CHODL: variants seen among roughly 807,000 people sequenced by gnomAD.
CHODL encodes transmembrane protein MT75.
In CHODL, 29 loss-of-function variants were observed where a neutral mutation model predicts 34.5. The ratio of observed to expected loss-of-function variants is 0.84; its 90% confidence interval spans 0.63 to 1.15. The LOEUF (loss-of-function observed/expected upper bound fraction) is 1.15. Among genes scored for constraint, CHODL ranks in the 50% most tolerant of loss-of-function variants. CHODL has a pLI of 0.00. For synonymous variants in CHODL, 125 were observed against 116.1 expected (o/e 1.08, Z -0.49); for missense variants, 332 against 332.5 (o/e 1.00, Z 0.01).
Position 18,152,238 on chromosome 21 carries a change from C to T in CHODL, c.-44-104271C>T, listed in dbSNP as rs138833542. Reference sequence around the variant, plus strand: ...TGGTGGTTATGCATCTGAAGGGTGACTACTTTCTATAGTGTCATCTACAAA... The same window carrying T: ...TGGTGGTTATGCATCTGAAGGGTGATTACTTTCTATAGTGTCATCTACAAA... On this transcript the variant is annotated intron_variant, in intron 2 of 6. Coordinates refer to the CHODL transcript ENST00000400127. Among the ~76,000 whole-genome samples the T allele has an allele frequency of 5.1e-3, 774 of 152,248 alleles. 7 individuals carry two copies. Among genetic ancestry groups the T allele is most frequent in the African/African-American group, 0.018 (739 of 41,548 alleles).
At chr21:17,924,337 A>G (rs1465985370) in intron 1 of CHODL, among the ~76,000 whole-genome samples, 2 of 152,196 alleles carry the variant, frequency 1.3e-5, no homozygotes, top group African/African-American at 4.8e-5. Flanking sequence ...AGCCTGTGGG[A>G]GGAGAGGCAG....
At chr21:18,104,886 T>C (rs114365414) in intron 2 of CHODL, among the ~76,000 whole-genome samples, 61 of 152,348 alleles carry the variant, frequency 4.0e-4, no homozygotes, top group African/African-American at 1.3e-3. Context: ...TCATGTGAAG[T>C]AGTAAGTTTC....
intron 1 of CHODL, among the ~76,000 whole-genome samples, chr21:17,989,988 T>G (rs768411192): frequency 2.0e-5 from 3 of 152,052 alleles, no homozygotes; most frequent in Non-Finnish European, 4.4e-5. Flanking sequence ...CACAAGACCT[T>G]TGTCTCCTAC....
chr21:18,259,781 C>T (rs1053130004), intron 3 of CHODL, among the ~76,000 whole-genome samples: 6 of 152,218 alleles, frequency 3.9e-5, no homozygotes, highest in African/African-American at 1.2e-4. Context: ...AGGGGAAACC[C>T]AAATAATACA....
intron 2 of CHODL, among the ~76,000 whole-genome samples, chr21:18,129,872 TTCTC>T (rs956727126): frequency 6.8e-6 from 1 of 146,852 alleles, no homozygotes; most frequent in African/African-American, 2.6e-5. Context: ...ATCTTTAGTA[TTCTC>T]TCTCTCTGTC....
At chr21:18,008,473 CT>C (rs1269510338) in intron 1 of CHODL, among the ~76,000 whole-genome samples, 4 of 152,062 alleles carry the variant, frequency 2.6e-5, no homozygotes, top group Non-Finnish European at 5.9e-5. Flanking sequence ...AAGAACAACT[CT>C]CCATTTCCCC....
intron 2 of CHODL, among the ~76,000 whole-genome samples, chr21:18,109,810 G>A (rs908797703): frequency 2.0e-5 from 3 of 152,120 alleles, no homozygotes; most frequent in Non-Finnish European, 4.4e-5. Context: ...CTTTTCCTAA[G>A]TAACCCAAGA....
At chr21:18,188,627 G>T (rs77189894) in intron 2 of CHODL, among the ~76,000 whole-genome samples, 7,690 of 152,244 alleles carry the variant, frequency 0.051, 246 homozygotes, top group Middle Eastern at 0.11. Context: ...TTCAAATTGG[G>T]ATATGTTGAC....
At chr21:18,213,828 G>A (rs2073796817) in intron 2 of CHODL, among the ~76,000 whole-genome samples, 1 of 152,058 alleles carries the variant, frequency 6.6e-6, no homozygotes, top group Non-Finnish European at 1.5e-5. Context: ...TAGGAAATGA[G>A]TCAAGTCAAA....
At chr21:18,012,002 T>C (rs544109829) in intron 1 of CHODL, among the ~76,000 whole-genome samples, 1 of 152,392 alleles carries the variant, frequency 6.6e-6, no homozygotes, top group East Asian at 1.9e-4. Context: ...TATGTGCATC[T>C]TTAATATTCT....
chr21:18,140,605 G>C (rs895473452), intron 2 of CHODL, among the ~76,000 whole-genome samples: 1 of 152,046 alleles, frequency 6.6e-6, no homozygotes, highest in Non-Finnish European at 1.5e-5. Flanking sequence ...AATCTGAAAA[G>C]TCCCAGGTAC....
At position 18,225,998 on chromosome 21, in the gene CHODL, G is replaced by A. The variant is rs112483758; in HGVS notation, c.-44-30511G>A. Among the ~76,000 whole-genome samples the A allele has an allele frequency of 6.0e-3, 916 of 152,206 alleles. 10 individuals are homozygous for A. The highest frequency in any genetic ancestry group is 0.021 in the African/African-American group (863 of 41,534). The stretch of plus-strand genomic sequence containing the variant: ...ACAGAGATAATATACACCTCCTGGA[G>A]GAATGACCCTGTAAGCAAAGGAATC... On this transcript the variant is annotated intron_variant, in intron 2 of 6. Coordinates refer to the CHODL transcript ENST00000400127.
chr21:18,258,185 CT>C (rs111256584), intron 3 of CHODL, among the ~76,000 whole-genome samples: 9 of 151,184 alleles, frequency 6.0e-5, no homozygotes, highest in African/African-American at 1.5e-4. Context: ...TATTAGCCAC[CT>C]TTTTTTTTAT....
At chr21:17,942,286 CAT>C (rs1272003153) in intron 1 of CHODL, among the ~76,000 whole-genome samples, 2 of 152,108 alleles carry the variant, frequency 1.3e-5, no homozygotes, top group Non-Finnish European at 2.9e-5. Flanking sequence ...ACAATTCCCA[CAT>C]GTTGTGGGAG....
At chr21:18,185,772 C>G (rs991307646) in intron 2 of CHODL, among the ~76,000 whole-genome samples, 1 of 152,180 alleles carries the variant, frequency 6.6e-6, no homozygotes, top group Non-Finnish European at 1.5e-5. Flanking sequence ...AAGGCACCAA[C>G]AGATTTGGTG....
At chr21:18,001,112 T>A (rs1427143819) in intron 1 of CHODL, among the ~76,000 whole-genome samples, 2 of 152,224 alleles carry the variant, frequency 1.3e-5, no homozygotes, top group East Asian at 3.8e-4. Context: ...TGGGCCATCC[T>A]ATGTAACATG....
intron 2 of CHODL, among the ~76,000 whole-genome samples, chr21:18,087,214 A>T (rs1441214932): frequency 2.6e-5 from 4 of 152,190 alleles, no homozygotes; most frequent in African/African-American, 9.6e-5. Context: ...CAGCCTGGGT[A>T]AGAAGCTGTA....
chr21:18,081,011 T>G (rs1294288278), intron 2 of CHODL, among the ~76,000 whole-genome samples: 2 of 152,186 alleles, frequency 1.3e-5, no homozygotes, highest in Non-Finnish European at 2.9e-5. Flanking sequence ...TGCAATTTAT[T>G]TTACTAGTGT....
intron 2 of CHODL, among the ~76,000 whole-genome samples, chr21:18,225,504 A>G (rs1380748833): frequency 6.6e-6 from 1 of 152,166 alleles, no homozygotes; most frequent in Non-Finnish European, 1.5e-5. Flanking sequence ...TCCACCTTTT[A>G]TATTGTTAAC....
Sources: gnomAD v4.1 joint callset for allele counts (sites outside exome capture counted in the v4.1 genomes callset) on GRCh38, gnomAD v4.1.1 for gene constraint, MANE v1.5 for transcripts, NCBI Gene and HGNC (gene_info 2026-07-23, HGNC 2026-07-21) for gene names.